Variants in PLD5 observed in about 807,000 individuals in gnomAD.
PLD5 encodes the protein phospholipase D family member 5.
In PLD5, 36 loss-of-function variants were observed where a neutral mutation model predicts 61.1. The ratio of observed to expected loss-of-function variants is 0.59; its 90% CI spans 0.45 to 0.78. The LOEUF is 0.78. Ranked by LOEUF, PLD5 falls within the 30% of genes least tolerant of loss-of-function variation. PLD5 has a pLI of 0.00. For missense variants in PLD5, 515 were observed against 644.4 expected (o/e 0.80, Z 2.17); for synonymous variants, 243 against 242.8 (o/e 1.00, Z -0.01).
At chr1:242,431,391 C>T (rs938619564) in intron 1 of PLD5, among the ~76,000 whole-genome samples, 2 of 152,206 alleles carry the variant, frequency 1.3e-5, no homozygotes, top group South Asian at 2.1e-4. Flanking sequence ...TCTTTTCTAG[C>T]GACTGAGGAT....
intron 4 of PLD5, among the ~76,000 whole-genome samples, chr1:242,233,353 T>A (rs574706590): frequency 6.6e-6 from 1 of 152,270 alleles, no homozygotes; most frequent in South Asian, 2.1e-4. Context: ...CCCAGGGTTT[T>A]AAGTTCAAAT....
At chr1:242,412,885 T>C (rs1183893389) in intron 1 of PLD5, among the ~76,000 whole-genome samples, 2 of 152,192 alleles carry the variant, frequency 1.3e-5, no homozygotes, top group Non-Finnish European at 2.9e-5. Flanking sequence ...TATAAGAAAT[T>C]ACGAAACCAC....
At chr1:242,287,378 A>G (rs1347713908) in intron 3 of PLD5, among the ~76,000 whole-genome samples, 3 of 152,242 alleles carry the variant, frequency 2.0e-5, no homozygotes, top group African/African-American at 4.8e-5. Context: ...GGAATAATAA[A>G]TCCTGAAACA....
chr1:242,515,895 A>G (rs1357423529), intron 1 of PLD5, among the ~76,000 whole-genome samples: 1 of 152,226 alleles, frequency 6.6e-6, no homozygotes, highest in African/African-American at 2.4e-5. Flanking sequence ...CAAAGCAGCT[A>G]TGAATGAAGT....
At chr1:242,377,662 A>C (rs1294272138) in intron 1 of PLD5, among the ~76,000 whole-genome samples, 2 of 152,180 alleles carry the variant, frequency 1.3e-5, no homozygotes, top group African/African-American at 4.8e-5. Flanking sequence ...ATAAATAAAT[A>C]AATAAAACAA....
chr1:242,157,518 G>A (rs1665482133), intron 5 of PLD5, among the ~76,000 whole-genome samples: 1 of 152,218 alleles, frequency 6.6e-6, no homozygotes, highest in East Asian at 1.9e-4. Flanking sequence ...TTTGATGTTG[G>A]TGACCTTTGG....
intron 3 of PLD5, among the ~76,000 whole-genome samples, chr1:242,282,362 C>T (rs1674760924): frequency 6.6e-6 from 1 of 152,196 alleles, no homozygotes. Flanking sequence ...CCACTCCTGG[C>T]TCATTTCTGC....
intron 1 of PLD5, among the ~76,000 whole-genome samples, chr1:242,406,397 G>A (rs2149283758): frequency 6.6e-6 from 1 of 152,328 alleles, no homozygotes; most frequent in South Asian, 2.1e-4. Context: ...ACTCAGAAAT[G>A]TCTACCAATA....
At chr1:242,377,895 G>A (rs889507881) in intron 1 of PLD5, among the ~76,000 whole-genome samples, 40 of 152,262 alleles carry the variant, frequency 2.6e-4, no homozygotes, top group African/African-American at 9.1e-4. Context: ...TGGAGAAATC[G>A]GAACCCTATA....
chr1:242,181,502 A>G (rs1356126310), intron 5 of PLD5, among the ~76,000 whole-genome samples: 2 of 152,178 alleles, frequency 1.3e-5, no homozygotes, highest in East Asian at 3.8e-4. Context: ...AAGACTTAGC[A>G]TAACATACAT....
At chr1:242,441,645 T>G (rs964616344) in intron 1 of PLD5, among the ~76,000 whole-genome samples, 7 of 152,150 alleles carry the variant, frequency 4.6e-5, no homozygotes, top group African/African-American at 1.7e-4. Context: ...CTTTTGCACA[T>G]TTTAAAGTAA....
chr1:242,207,247 T>G (rs750343201), intron 5 of PLD5, among the ~76,000 whole-genome samples: 6 of 152,102 alleles, frequency 3.9e-5, no homozygotes, highest in South Asian at 2.1e-4. Context: ...CTTCACACCC[T>G]CATAATTCAG....
At chr1:242,501,968 A>C (rs570062511) in intron 1 of PLD5, among the ~76,000 whole-genome samples, 2 of 152,232 alleles carry the variant, frequency 1.3e-5, no homozygotes, top group East Asian at 3.9e-4. Context: ...ATTGACTTGT[A>C]TGAAAATATC....
intron 1 of PLD5, among the ~76,000 whole-genome samples, chr1:242,391,352 C>T (rs1280189168): frequency 1.3e-5 from 2 of 151,814 alleles, no homozygotes; most frequent in African/African-American, 4.8e-5. Context: ...CACTATAATG[C>T]GGTAAAGTAA....
At position 242,388,229 on chromosome 1, in the gene PLD5, T is replaced by G. The variant is rs535670781; in HGVS notation, c.190-39987A>C. On this transcript the variant is annotated intron_variant, in intron 1 of 9. Coordinates refer to ENST00000536534, the MANE Select transcript of PLD5 (RefSeq NM_001372062.1). ...ATGTGAGGTTTAAGAGAAGAAGGAA[T>G]GAAGAGGCCTTTTGCAGGGAGTAGG... is the stretch of plus-strand genomic sequence containing the variant. Among the ~76,000 whole-genome samples, 41 of 152,328 alleles carry G rather than the reference T, an allele frequency of 2.7e-4. No individual in the cohort carries two copies. In the South Asian group the frequency reaches 8.3e-3, roughly 31 times the overall value.
intron 5 of PLD5, among the ~76,000 whole-genome samples, chr1:242,152,394 T>C (rs1055703268): frequency 1.3e-5 from 2 of 152,172 alleles, no homozygotes; most frequent in African/African-American, 4.8e-5. Context: ...CTGGGATACA[T>C]GTACAGAATG....
intron 5 of PLD5, among the ~76,000 whole-genome samples, chr1:242,149,573 G>C (rs890927943): frequency 6.6e-6 from 1 of 150,700 alleles, no homozygotes; most frequent in African/African-American, 2.4e-5. Context: ...TAAATATTTA[G>C]AATTCATCAG....
chr1:242,167,101 A>G (rs892817331), intron 5 of PLD5, among the ~76,000 whole-genome samples: 1 of 146,394 alleles, frequency 6.8e-6, no homozygotes, highest in Non-Finnish European at 1.5e-5. Context: ...TAATAATAAT[A>G]ATAATAATAA....
chr1:242,359,884 T>C (rs528157813), intron 1 of PLD5, among the ~76,000 whole-genome samples: 35 of 152,360 alleles, frequency 2.3e-4, no homozygotes, highest in Non-Finnish European at 3.5e-4. Flanking sequence ...TTTACATGCC[T>C]CATATATTTT....
Sources: gnomAD v4.1 joint callset for allele counts (sites outside exome capture counted in the v4.1 genomes callset) on GRCh38, gnomAD v4.1.1 for gene constraint, MANE v1.5 for transcripts, NCBI Gene and HGNC (gene_info 2026-07-23, HGNC 2026-07-21) for gene names.